SLC47A1: variants seen among roughly 807,000 people sequenced by gnomAD.
SLC47A1 encodes multidrug and toxin extrusion protein 1.
A neutral mutation model predicts 65.8 loss-of-function variants in SLC47A1; 58 were observed. The observed-to-expected ratio is 0.88, with a 90% CI of 0.71 to 1.10. The LOEUF is 1.10. SLC47A1 is among the 50% of genes least tolerant of loss of function. The pLI is 0.00. For synonymous variants in SLC47A1, 285 were observed against 295.0 expected, an observed-to-expected ratio of 0.97 and a Z score of 0.35; for missense variants, 706 against 719.2, an observed-to-expected ratio of 0.98 and a Z score of 0.21.
chr17:19,578,588 A>G lies in SLC47A1; in HGVS notation c.*1035A>G, dbSNP rs189071914. The G allele has an allele frequency of 3.3e-3, 507 of 154,476 alleles. 1 individual carries two copies. Among genetic ancestry groups the G allele is most frequent in the Non-Finnish European group, 5.1e-3 (353 of 69,502 alleles). The allele number at this position is 154,476 out of a possible 1,614,324, so 9.6% of individuals were successfully genotyped here. ...TGCGGTACACACCGTTAATTCAGCA[A>G]CCCTCAGTACATACTAAGTATGCTC... is the stretch of plus-strand genomic sequence containing the variant. On this transcript the variant is annotated 3_prime_UTR_variant, in exon 17 of 17. Coordinates refer to ENST00000270570, the MANE Select transcript of SLC47A1 (RefSeq NM_018242.3).
intron 12 of SLC47A1, among the ~76,000 whole-genome samples, chr17:19,562,527 T>C (rs2152315768): frequency 6.6e-6 from 1 of 150,850 alleles, no homozygotes; most frequent in South Asian, 2.1e-4. Context: ...ATTGTGCCAC[T>C]GCACTCCAGC....
intron 1 of SLC47A1, among the ~76,000 whole-genome samples, chr17:19,541,173 C>T (rs1182452468): frequency 5.9e-5 from 9 of 152,264 alleles, no homozygotes; most frequent in African/African-American, 2.2e-4. Flanking sequence ...TCCCTGAGGG[C>T]GGTGAGAGGC....
chr17:19,550,408 C>T (rs117019884), intron 5 of SLC47A1, among the ~76,000 whole-genome samples: 4,267 of 152,238 alleles, frequency 0.028, 89 homozygotes, highest in Middle Eastern at 0.051. Flanking sequence ...CTCTGCCTCC[C>T]TGGCTCAAGT....
chr17:19,566,921 G>A, intron 13 of SLC47A1, 62 bp downstream of exon 13: 1 of 1,597,686 alleles, frequency 6.3e-7, no homozygotes. Context: ...GTAAATTTCA[G>A]CTGAGAGGAG....
Position 19,560,254 on chromosome 17 carries a change from G to A in SLC47A1, c.988G>A (p.Glu330Lys). The change falls in exon 11 of 17, where the codon GAG becomes AAG. Residue 330 changes from glutamate (E) to lysine (K), a missense_variant. Physicochemically the swap from Glu to Lys is moderately conservative, Grantham distance 56. Transcript: ENST00000270570. ...AAACGCTCTGGGTGCTGGAGACATG[G>A]AGCAGGCACGGAAGTCCTCTACCGT... ...VGNALGAGDM[E>K]QARKSSTVSL... The A allele has an allele frequency of 6.2e-7, 1 of 1,613,862 alleles. No individual in the cohort carries two copies. The highest frequency in any genetic ancestry group is 8.5e-7 in the Non-Finnish European group (1 of 1,180,008).
At chr17:19,567,021 T>C (rs1409796755) in intron 13 of SLC47A1, 75 bp from the exon 14 acceptor site, 18 of 1,609,346 alleles carry the variant, frequency 1.1e-5, no homozygotes, top group Non-Finnish European at 1.3e-5. Flanking sequence ...GCACAGAATA[T>C]GAAGTGCTCG....
chr17:19,560,547 T>C (rs1005814019), intron 12 of SLC47A1, 54 bp downstream of exon 12: 4 of 1,563,026 alleles, frequency 2.6e-6, no homozygotes, highest in South Asian at 2.2e-5. Flanking sequence ...AAATGGTTCA[T>C]TGAGAAAATT....
intron 16 of SLC47A1, among the ~76,000 whole-genome samples, chr17:19,576,379 T>C (rs1176144488): frequency 3.6e-5 from 5 of 139,122 alleles, no homozygotes; most frequent in Non-Finnish European, 6.1e-5. Context: ...TGACACTGGG[T>C]CTCTCTCTGT....
rs751675820 is a variant in SLC47A1, at chr17:19,567,133, A to G, written c.1214A>G (p.Gln405Arg). The change falls in exon 14 of 17, where the codon CAG becomes CGG. Residue 405 changes from glutamine to arginine, a missense_variant. By Grantham distance (43) the Gln-to-Arg change is conservative (BLOSUM62 1). Coordinates refer to ENST00000270570, the MANE Select transcript of SLC47A1 (RefSeq NM_018242.3). ...GGTGTTCTGAGGGGGAGTGGAAATCAGAAGGTTGGAGCCATTGTGAATACC... is the reference window on the plus strand; with the variant it reads ...GGTGTTCTGAGGGGGAGTGGAAATCGGAAGGTTGGAGCCATTGTGAATACC... Reference protein sequence around the residue: ...SGGVLRGSGNQKVGAIVNTIG... With the variant: ...SGGVLRGSGNRKVGAIVNTIG... 6.2e-7 allele frequency: 1 copy of G among 1,614,216 alleles called. No homozygotes were observed. Among genetic ancestry groups the G allele is most frequent in the Non-Finnish European group, 8.5e-7 (1 of 1,180,046 alleles).
chr17:19,539,742 T>C (rs987901468), intron 1 of SLC47A1, among the ~76,000 whole-genome samples: 3 of 152,106 alleles, frequency 2.0e-5, no homozygotes, highest in African/African-American at 7.2e-5. Context: ...TGCCTCGGCC[T>C]CCCAAAGTGT....
intron 11 of SLC47A1, 47 bp from the exon 12 acceptor site, chr17:19,560,371 G>A: frequency 6.2e-7 from 1 of 1,612,640 alleles, no homozygotes; most frequent in Non-Finnish European, 8.5e-7. Flanking sequence ...ACTTCCTGTG[G>A]ATCTTCTTGT....
intron 2 of SLC47A1, among the ~76,000 whole-genome samples, chr17:19,543,048 T>C (rs1916190530): frequency 6.6e-6 from 1 of 151,560 alleles, no homozygotes; most frequent in African/African-American, 2.4e-5. Flanking sequence ...TGCCTTGGCC[T>C]CCGAAAGTGC....
At chr17:19,550,857 CCT>C (rs1916428392) in intron 5 of SLC47A1, among the ~76,000 whole-genome samples, 1 of 152,274 alleles carries the variant, frequency 6.6e-6, no homozygotes. Flanking sequence ...CCCGGTATCC[CCT>C]GTCTTCTTAT....
At chr17:19,568,831 C>G (rs576368125) in intron 14 of SLC47A1, among the ~76,000 whole-genome samples, 13 of 152,104 alleles carry the variant, frequency 8.5e-5, no homozygotes, top group African/African-American at 3.1e-4. Flanking sequence ...CCCTGCTAAC[C>G]ATCATTCTAC....
chr17:19,568,846 T>A (rs1408282289), intron 14 of SLC47A1, among the ~76,000 whole-genome samples: 1 of 152,036 alleles, frequency 6.6e-6, no homozygotes, highest in Non-Finnish European at 1.5e-5. Flanking sequence ...TTCTACTCTC[T>A]ACTTCTATGA....
At chr17:19,572,958 C>T in intron 16 of SLC47A1, 97 bp downstream of exon 16, 3 of 978,606 alleles carry the variant, frequency 3.1e-6, no homozygotes, top group Middle Eastern at 2.1e-4. Context: ...TATGAGCTCT[C>T]ATTTAAATAG....
In SLC47A1 at chr17:19,533,932, C is replaced by T; in HGVS notation, c.-8C>T. The stretch of plus-strand genomic sequence containing the variant: ...CTCCGCGCTACCCGGCCGCAGCGCG[C>T]GAGTCACATGGAAGCTCCTGAGGAG... On this transcript the variant is annotated 5_prime_UTR_variant, in exon 1 of 17. Coordinates refer to ENST00000270570, the MANE Select transcript of SLC47A1 (RefSeq NM_018242.3). 1 of 1,494,354 alleles carries T rather than the reference C, an allele frequency of 6.7e-7. No individual in the cohort carries two copies. Among genetic ancestry groups the T allele is most frequent in the Non-Finnish European group, 8.9e-7 (1 of 1,125,772 alleles). 92.6% of individuals were successfully genotyped at this position (1,494,354 alleles called of 1,614,324 possible).
intron 1 of SLC47A1, among the ~76,000 whole-genome samples, chr17:19,539,191 A>G (rs1237603063): frequency 6.6e-6 from 1 of 151,890 alleles, no homozygotes; most frequent in Non-Finnish European, 1.5e-5. Context: ...GATTGCAGGG[A>G]TAAGCCACCG....
In SLC47A1 at chr17:19,578,373, T is replaced by C; in HGVS notation, c.*820T>C. ...GGCGTGTGCCACCACGCCTAGCTAA[T>C]TTTTTATACCAGGGTCTACCCTTTG... On this transcript the variant is annotated 3_prime_UTR_variant, in exon 17 of 17. Transcript: ENST00000270570. 1 of 184,714 alleles carries C rather than the reference T, an allele frequency of 5.4e-6. No homozygotes were observed. Among genetic ancestry groups the C allele is most frequent in the Non-Finnish European group, 1.1e-5 (1 of 87,198 alleles). The allele number at this position is 184,714 out of a possible 1,614,324, so 11.4% of individuals were successfully genotyped here.
Sources: gnomAD v4.1 joint callset for allele counts (sites outside exome capture counted in the v4.1 genomes callset) on GRCh38, gnomAD v4.1.1 for gene constraint, MANE v1.5 for transcripts, NCBI Gene and HGNC (gene_info 2026-07-23, HGNC 2026-07-21) for gene names.